Variants in GBF1 observed in about 807,000 individuals in gnomAD.
The protein encoded by GBF1 is Golgi-specific brefeldin A-resistance guanine nucleotide exchange factor 1.
GBF1 carries 114 observed loss-of-function variants against 210.5 expected under a neutral mutation model. The observed-to-expected ratio is 0.54, with a 90% CI of 0.47 to 0.63. The LOEUF is 0.63. Among genes scored for constraint, GBF1 ranks in the 30% least tolerant of loss-of-function variants. The probability of loss-of-function intolerance (pLI) is 0.00; values close to 1 mark genes in which losing one functional copy is unlikely to be tolerated. For missense variants in GBF1, 1,851 were observed against 2,357.7 expected (o/e 0.79, Z 4.45); for synonymous variants, 850 against 889.2 (o/e 0.96, Z 0.78).
rs2072040577 is a variant in GBF1, at chr10:102,254,379, C to A, written c.-10-4550C>A. The stretch of plus-strand genomic sequence containing the variant: ...CAAGACCCTATCTCTAAAAAAAAAT[C>A]AAAAAGAAAATATTCTCATATATTA... On this transcript the variant is annotated intron_variant, in intron 1 of 39. Transcript: ENST00000369983. Among the ~76,000 whole-genome samples, 4 of 152,052 alleles carry A rather than the reference C, an allele frequency of 2.6e-5. No individual in the cohort carries two copies. The South Asian group carries it at 8.3e-4, about 32-fold the overall frequency.
At chr10:102,280,477 T>A (rs1773229723) in intron 3 of GBF1, among the ~76,000 whole-genome samples, 1 of 152,178 alleles carries the variant, frequency 6.6e-6, no homozygotes, top group South Asian at 2.1e-4. Flanking sequence ...GTGGGTTGGG[T>A]AGGAAGAGGC....
At chr10:102,260,664 G>C (rs1174811621) in intron 3 of GBF1, among the ~76,000 whole-genome samples, 2 of 151,374 alleles carry the variant, frequency 1.3e-5, no homozygotes, top group Non-Finnish European at 2.9e-5. Flanking sequence ...TTTTAGTAGA[G>C]ACGGGGTTTC....
rs1373740694 is a variant in GBF1 at position 102,368,121 on chromosome 10, T to C, written c.2643-97T>C. 3.8e-6 allele frequency: 3 copies of C among 781,944 alleles called. No individual in the cohort carries two copies. In the Admixed American group the frequency reaches 5.3e-5, roughly 14 times the overall value. 48.4% of individuals were successfully genotyped at this position (781,944 alleles called of 1,614,324 possible). A position where few individuals can be genotyped will look rare whatever the true frequency, so the allele number is the denominator to read the frequency against. ...GAGCTGCAGTTCTGATGACCTCTCA[T>C]CAGTGGAGAGTGCTAGTATGGATGA... On this transcript the variant is annotated intron_variant, in intron 21 of 39. Transcript: ENST00000369983.
the GBF1 span, chr10:102,230,998 G>A: frequency 5.6e-6 from 9 of 1,600,802 alleles, no homozygotes; most frequent in South Asian, 1.1e-5. Context: ...CTCGTAGGGC[G>A]GCACCAGCCC....
intron 18 of GBF1, among the ~76,000 whole-genome samples, 193 bp downstream of exon 18, chr10:102,365,792 T>G (rs190786475): frequency 2.0e-5 from 3 of 152,274 alleles, no homozygotes; most frequent in Non-Finnish European, 4.4e-5. Flanking sequence ...GTGCCTGTAG[T>G]CCCAGCTGTT....
At chr10:102,371,367 A>AAAACATGT (rs1337047320) in intron 29 of GBF1, among the ~76,000 whole-genome samples, 1 of 152,238 alleles carries the variant, frequency 6.6e-6, no homozygotes, top group East Asian at 1.9e-4. Context: ...TATAGCTGAC[A>AAAACATGT]AAACATGTAT....
At chr10:102,311,775 A>T (rs994685688) in intron 3 of GBF1, among the ~76,000 whole-genome samples, 13 of 152,104 alleles carry the variant, frequency 8.5e-5, no homozygotes, top group Admixed American at 7.9e-4. Context: ...AATTTCCCCA[A>T]AGTTGAACTA....
intron 3 of GBF1, among the ~76,000 whole-genome samples, chr10:102,278,198 C>T (rs574285001): frequency 1.6e-4 from 24 of 151,682 alleles, no homozygotes; most frequent in South Asian, 8.4e-4. Flanking sequence ...TTGGAGGCTG[C>T]GGTGAGCTAT....
At chr10:102,238,329 C>G in the GBF1 span, among the ~76,000 whole-genome samples, 9 of 152,330 alleles carry the variant, frequency 5.9e-5, no homozygotes, top group Non-Finnish European at 1.2e-4. Flanking sequence ...CACAAGTCAG[C>G]TCTAGCCTGC....
At chr10:102,278,126 C>T (rs879714678) in intron 3 of GBF1, among the ~76,000 whole-genome samples, 9 of 151,826 alleles carry the variant, frequency 5.9e-5, no homozygotes, top group Admixed American at 2.6e-4. Context: ...GGCATGGTGG[C>T]GTGTGCCTGT....
At chr10:102,252,218 A>G (rs1207508801) in intron 1 of GBF1, among the ~76,000 whole-genome samples, 4 of 151,982 alleles carry the variant, frequency 2.6e-5, no homozygotes, top group African/African-American at 9.7e-5. Context: ...GCATGAATGT[A>G]ATCCCAGCTG....
intron 33 of GBF1, among the ~76,000 whole-genome samples, chr10:102,378,449 C>T (rs976610181): frequency 5.1e-4 from 77 of 151,762 alleles, no homozygotes; most frequent in African/African-American, 1.8e-3. Context: ...ATAGCGAGAC[C>T]CTGCCTCTAC....
chr10:102,266,709 A>T (rs1489864596), intron 3 of GBF1, among the ~76,000 whole-genome samples: 1 of 152,224 alleles, frequency 6.6e-6, no homozygotes, highest in Non-Finnish European at 1.5e-5. Flanking sequence ...TTCACATGTA[A>T]AGCTGTTATG....
chr10:102,275,325 C>T (rs1278545726), intron 3 of GBF1, among the ~76,000 whole-genome samples: 1 of 152,160 alleles, frequency 6.6e-6, no homozygotes, highest in Non-Finnish European at 1.5e-5. Context: ...TACCAAAACC[C>T]TTGTAACTTT....
chr10:102,362,556 G>A lies in GBF1; in HGVS notation c.1768G>A (p.Glu590Lys), dbSNP rs751005476. Residue 590 changes from glutamate to lysine, a missense_variant, in exon 15 of 40, where the codon GAG (glutamate) becomes AAG (lysine). By Grantham distance (56) the Glu-to-Lys change is moderately conservative. Around this residue, in one of 3 missense-constraint regions of GBF1, gnomAD observed 804 missense variants for 958.6 expected, o/e 0.84. Coordinates refer to ENST00000369983, the MANE Select transcript of GBF1 (RefSeq NM_001377137.1). Reference protein sequence around the residue: ...DALLTVIDSTEAHCQAKVLNS... With the variant: ...DALLTVIDSTKAHCQAKVLNS... ...CCTATTGACAGTGATTGACAGCACCGAGGCCCACTGCCAGGCTAAAGTCCT... is the reference window on the plus strand; with the variant it reads ...CCTATTGACAGTGATTGACAGCACCAAGGCCCACTGCCAGGCTAAAGTCCT... 8 of 1,613,696 alleles carry A rather than the reference G, an allele frequency of 5.0e-6. No homozygotes were observed. The highest frequency in any genetic ancestry group is 1.1e-5 in the South Asian group (1 of 91,060).
At chr10:102,296,545 C>T (rs1254498845) in intron 3 of GBF1, among the ~76,000 whole-genome samples, 2 of 151,594 alleles carry the variant, frequency 1.3e-5, no homozygotes, top group Non-Finnish European at 2.9e-5. Context: ...GAGTTCAAGA[C>T]CAGCCTGGCC....
chr10:102,360,045 C>T (rs989579741), intron 11 of GBF1, 139 bp from the exon 12 acceptor site: 1 of 715,094 alleles, frequency 1.4e-6, no homozygotes, highest in Non-Finnish European at 2.6e-6. Flanking sequence ...GGATTACAGG[C>T]ATGAGCCATC....
intron 8 of GBF1, 46 bp from the exon 9 acceptor site, chr10:102,357,993 G>A: frequency 7.7e-7 from 1 of 1,302,398 alleles, no homozygotes; most frequent in Non-Finnish European, 1.1e-6. Flanking sequence ...AATAGGGATA[G>A]AGTCTTAGTT....
chr10:102,255,931 T>C (rs956016480), intron 1 of GBF1, among the ~76,000 whole-genome samples: 2 of 152,208 alleles, frequency 1.3e-5, no homozygotes, highest in African/African-American at 4.8e-5. Flanking sequence ...TGGGGAGCTG[T>C]CATGGGCATG....
Sources: gnomAD v4.1 joint callset for allele counts (sites outside exome capture counted in the v4.1 genomes callset) on GRCh38, gnomAD v4.1.1 for gene constraint, gnomAD v4.1.1 regional missense constraint, MANE v1.5 for transcripts, NCBI Gene and HGNC (gene_info 2026-07-23, HGNC 2026-07-21) for gene names.